ST7: variants seen among roughly 807,000 people sequenced by gnomAD.
The protein encoded by ST7 is suppression of tumorigenicity 7.
In ST7, 28 loss-of-function variants were observed where a neutral mutation model predicts 78.7. The observed-to-expected ratio is 0.36, with a 90% CI of 0.26 to 0.49. ST7 has a LOEUF of 0.49. Ranked by LOEUF, ST7 falls within the 20% of genes least tolerant of loss-of-function variation. The pLI is 0.99. For missense variants in ST7, 418 were observed against 696.0 expected (o/e 0.60, Z 4.49); for synonymous variants, 247 against 249.6 (o/e 0.99, Z 0.10).
At chr7:117,119,852 C>G in intron 3 of ST7, 132 bp downstream of exon 3, 1 of 1,067,056 alleles carries the variant, frequency 9.4e-7, no homozygotes, top group Non-Finnish European at 1.3e-6. Context: ...ATCATTTTCC[C>G]ATGGAGTTGA....
rs762770944 is a variant in ST7 at position 117,097,327 on chromosome 7, C to CTT, written c.152-2421_152-2420dup. On this transcript the variant is annotated intron_variant, in intron 1 of 15. Transcript: ENST00000323984. ...AATAACAAAATGAATATTCTGCTGG[C>CTT]TTTTTTTTTTTTTTTGAGATGCAGT... 3.1e-3 allele frequency among the ~76,000 whole-genome samples: 426 copies of CTT among 136,972 alleles called. 1 individual carries two copies. Among genetic ancestry groups the CTT allele is most frequent in the East Asian group, 0.012 (60 of 4,858 alleles). 89.9% of individuals were successfully genotyped at this position (136,972 alleles called of 152,430 possible).
intron 9 of ST7, among the ~76,000 whole-genome samples, chr7:117,149,092 G>A (rs555882372): frequency 1.3e-5 from 2 of 152,060 alleles, no homozygotes; most frequent in Non-Finnish European, 2.9e-5. Context: ...TTCCTGGACC[G>A]CTATCTCTAC....
At chr7:117,160,000 G>A (rs1584491545) in intron 9 of ST7, among the ~76,000 whole-genome samples, 1 of 151,966 alleles carries the variant, frequency 6.6e-6, no homozygotes, top group African/African-American at 2.4e-5. Context: ...TCAGGAGTTC[G>A]AGACCATCCT....
rs1293739455 is a variant in ST7, at chr7:117,031,848, ATATCTATATC to A, written c.152-67906_152-67897del. On this transcript the variant is annotated intron_variant, in intron 1 of 15. Transcript: ENST00000323984. Reference sequence around the variant, plus strand: ...TATATCTATATCTATATCTATATCTATATCTATATCTATCTATCTATCTATATATATATAT... The same window carrying A: ...TATATCTATATCTATATCTATATCTATATCTATCTATCTATATATATATAT... 1.0e-3 allele frequency among the ~76,000 whole-genome samples: 21 copies of A among 20,558 alleles called. 3 individuals are homozygous for A. The highest frequency in any genetic ancestry group is 2.7e-3 in the African/African-American group (18 of 6,766). 13.5% of individuals were successfully genotyped at this position (20,558 alleles called of 152,430 possible). A position where few individuals can be genotyped will look rare whatever the true frequency, so the allele number is the denominator to read the frequency against.
rs529935994 is a variant in ST7, at chr7:117,012,618, T to TA, written c.151+58932dup. ...AAGTAAACCAAGGCTCAGAGAGGTTTAAAAACTTGCTTAATGAAGATAATC... is the reference window on the plus strand; with the variant it reads ...AAGTAAACCAAGGCTCAGAGAGGTTTAAAAAACTTGCTTAATGAAGATAATC... On this transcript the variant is annotated intron_variant, in intron 1 of 15. Transcript: ENST00000323984. Among the ~76,000 whole-genome samples, 50 of 152,046 alleles carry TA rather than the reference T, an allele frequency of 3.3e-4. No individual in the cohort carries two copies. In the East Asian group the frequency reaches 8.7e-3, roughly 26 times the overall value.
chr7:116,957,824 C>T (rs1792588457), intron 1 of ST7, among the ~76,000 whole-genome samples: 1 of 152,200 alleles, frequency 6.6e-6, no homozygotes, highest in South Asian at 2.1e-4. Context: ...AATTTAAACA[C>T]CTTTTCCTAA....
At chr7:116,961,585 TG>T (rs1792829297) in intron 1 of ST7, among the ~76,000 whole-genome samples, 2 of 151,362 alleles carry the variant, frequency 1.3e-5, no homozygotes, top group African/African-American at 2.4e-5. Context: ...TGTGTGTGTG[TG>T]TGTGTGTGGT....
At chr7:117,004,638 A>T (rs1375900670) in intron 1 of ST7, among the ~76,000 whole-genome samples, 1 of 152,052 alleles carries the variant, frequency 6.6e-6, no homozygotes, top group Non-Finnish European at 1.5e-5. Context: ...TCCAGCCTGG[A>T]CGACAGAGCA....
intron 1 of ST7, among the ~76,000 whole-genome samples, chr7:117,075,030 G>A (rs928959851): frequency 6.6e-6 from 1 of 152,142 alleles, no homozygotes; most frequent in Non-Finnish European, 1.5e-5. Context: ...TTAAATCCAA[G>A]TAACTGAATA....
rs1159576929 is a variant in ST7 at position 117,219,754 on chromosome 7, G to T, written c.1498+578G>T. 2.6e-5 allele frequency among the ~76,000 whole-genome samples: 4 copies of T among 152,236 alleles called. No homozygotes were observed. Among genetic ancestry groups the T allele is most frequent in the Non-Finnish European group, 5.9e-5 (4 of 68,038 alleles). ...GGAGTACCATGTGCAGAGCACACGT[G>T]TAGCCTCAGCACTGTATGAAAGCAC... is the stretch of plus-strand genomic sequence containing the variant. On this transcript the variant is annotated intron_variant, in intron 14 of 15. Transcript: ENST00000323984. This position sits in a 1 kb window ranked among gnomAD's most constrained non-coding sequence, Gnocchi z 5.1.
chr7:117,069,369 A>G (rs1295586415), intron 1 of ST7, among the ~76,000 whole-genome samples: 1 of 152,238 alleles, frequency 6.6e-6, no homozygotes, highest in African/African-American at 2.4e-5. Context: ...TAGTAAGTAC[A>G]TTGCAACAAT....
At chr7:117,175,934 GA>G (rs57194489) in intron 10 of ST7, among the ~76,000 whole-genome samples, 6,052 of 152,136 alleles carry the variant, frequency 0.04, 424 homozygotes, top group African/African-American at 0.14. Context: ...ACAATGTTAC[GA>G]CTTGTTATTA....
intron 9 of ST7, among the ~76,000 whole-genome samples, chr7:117,161,253 CA>C (rs1807119124): frequency 6.6e-6 from 1 of 151,936 alleles, no homozygotes; most frequent in African/African-American, 2.4e-5. Flanking sequence ...TGAAGAATTA[CA>C]TATGAAAAGT....
chr7:117,014,464 A>G (rs1476068992), intron 1 of ST7, among the ~76,000 whole-genome samples: 3 of 152,198 alleles, frequency 2.0e-5, no homozygotes, highest in African/African-American at 4.8e-5. Context: ...TTCTTGCATC[A>G]CCTTTATTAG....
intron 9 of ST7, among the ~76,000 whole-genome samples, chr7:117,155,805 A>G (rs900903950): frequency 6.6e-6 from 1 of 152,228 alleles, no homozygotes; most frequent in Non-Finnish European, 1.5e-5. Context: ...TTAAACTCTA[A>G]AAGTGGCCTA....
chr7:117,029,453 G>A (rs538618677), intron 1 of ST7, among the ~76,000 whole-genome samples: 2 of 152,036 alleles, frequency 1.3e-5, no homozygotes, highest in Non-Finnish European at 2.9e-5. Context: ...TCTTATTACC[G>A]AGTTTTGAAG....
At chr7:117,115,353 CTTTT>C (rs1272973593) in intron 2 of ST7, among the ~76,000 whole-genome samples, 1 of 135,326 alleles carries the variant, frequency 7.4e-6, no homozygotes, top group Non-Finnish European at 1.6e-5. Context: ...TGGTAGGTTA[CTTTT>C]TTTTTTTTTT....
At chr7:117,166,127 A>G (rs1807537426) in intron 9 of ST7, among the ~76,000 whole-genome samples, 1 of 152,176 alleles carries the variant, frequency 6.6e-6, no homozygotes, top group African/African-American at 2.4e-5. Context: ...AATAAAAATC[A>G]CCTTTAATAT....
chr7:117,214,913 TGTGTG>T (rs1387025345), intron 13 of ST7, among the ~76,000 whole-genome samples: 2 of 5,960 alleles, frequency 3.4e-4, no homozygotes, highest in Non-Finnish European at 5.2e-4. Context: ...AGAACATTTG[TGTGTG>T]TGTGTGTGTG....
Sources: allele counts gnomAD v4.1 joint callset (sites outside exome capture counted in the v4.1 genomes callset), GRCh38; gene constraint gnomAD v4.1.1; non-coding constraint Gnocchi (gnomAD v3.1); transcripts MANE v1.5; gene names NCBI Gene and HGNC (gene_info 2026-07-23, HGNC 2026-07-21).